The following DIP2B variants were observed in gnomAD, a reference collection of about 807,000 sequenced individuals.
The protein encoded by DIP2B is disco-interacting protein 2 homolog B.
Under a neutral mutation model 198.0 loss-of-function variants are expected in DIP2B, and 76 were observed. That is an observed-to-expected ratio of 0.38 (90% CI 0.32 to 0.46). The LOEUF is 0.46. DIP2B is among the 20% of genes least tolerant of loss of function. The pLI, the probability that DIP2B is intolerant of heterozygous loss-of-function variation, is 0.99. For missense variants in DIP2B, 1,559 were observed against 1,978.4 expected, an observed-to-expected ratio of 0.79 and a Z score of 4.02; for synonymous variants, 701 against 739.1, an observed-to-expected ratio of 0.95 and a Z score of 0.84.
At chr12:50,650,431 T>G (rs1938434184) in intron 3 of DIP2B, among the ~76,000 whole-genome samples, 1 of 152,238 alleles carries the variant, frequency 6.6e-6, no homozygotes, top group African/African-American at 2.4e-5. Flanking sequence ...CTTCTTCATC[T>G]TGTGTGACTG....
At chr12:50,699,855 C>T (rs1250701181) in intron 19 of DIP2B, among the ~76,000 whole-genome samples, 4 of 101,358 alleles carry the variant, frequency 3.9e-5, no homozygotes, top group Non-Finnish European at 6.5e-5. Flanking sequence ...AGAGCAAGAC[C>T]CTGTCTCAAA....
At chr12:50,603,137 C>G (rs1958952900) in intron 1 of DIP2B, among the ~76,000 whole-genome samples, 1 of 151,020 alleles carries the variant, frequency 6.6e-6, no homozygotes, top group Non-Finnish European at 1.5e-5. Context: ...GCACTCCAGC[C>G]TGGGCGACAG....
chr12:50,546,092 T>C (rs897799616), intron 1 of DIP2B, among the ~76,000 whole-genome samples: 3 of 152,232 alleles, frequency 2.0e-5, no homozygotes, highest in Non-Finnish European at 4.4e-5. Flanking sequence ...CTGATTGTAT[T>C]ATCTTATTCT....
rs137942310 is a variant in DIP2B, at chr12:50,545,934, C to T, written c.100+40694C>T. 7.4e-3 allele frequency among the ~76,000 whole-genome samples: 1,126 copies of T among 152,178 alleles called. 4 individuals carry two copies. The highest frequency in any genetic ancestry group is 0.012 in the Non-Finnish European group (821 of 68,008). On this transcript the variant is annotated intron_variant, in intron 1 of 37. Coordinates refer to ENST00000301180, the MANE Select transcript of DIP2B (RefSeq NM_173602.3). ...ATAGCTGTGAGTCACTGTGCCCGGCCTAAAATAAGATTTATTGAGGACTTG... is the reference window on the plus strand; with the variant it reads ...ATAGCTGTGAGTCACTGTGCCCGGCTTAAAATAAGATTTATTGAGGACTTG...
chr12:50,638,590 C>G (rs891242332), intron 2 of DIP2B, among the ~76,000 whole-genome samples: 1 of 152,100 alleles, frequency 6.6e-6, no homozygotes, highest in Non-Finnish European at 1.5e-5. Flanking sequence ...TTTACCATGG[C>G]AGTGAAACTG....
chr12:50,673,080 G>A (rs367944198), intron 5 of DIP2B, among the ~76,000 whole-genome samples: 2 of 151,978 alleles, frequency 1.3e-5, no homozygotes, highest in Non-Finnish European at 2.9e-5. Context: ...TTTCCTTAGC[G>A]TATATTCCTA....
intron 1 of DIP2B, among the ~76,000 whole-genome samples, chr12:50,551,787 T>C (rs1958429581): frequency 6.6e-6 from 1 of 152,198 alleles, no homozygotes; most frequent in Admixed American, 6.5e-5. Flanking sequence ...CCATTGTATG[T>C]ATGTTTCATA....
Position 50,505,024 on chromosome 12 carries a change from G to GTGC in DIP2B, c.-114_-112dup. 3 of 1,076,116 alleles carry GTGC rather than the reference G, an allele frequency of 2.8e-6. No homozygotes were observed. Among genetic ancestry groups the GTGC allele is most frequent in the Non-Finnish European group, 4.0e-6 (3 of 745,318 alleles). 66.7% of individuals were successfully genotyped at this position (1,076,116 alleles called of 1,614,324 possible). On this transcript the variant is annotated 5_prime_UTR_variant, in exon 1 of 38. Transcript: ENST00000301180. ...CATGGCGGCGGCGGCGGCGGCGGCG[G>GTGC]TGCTGGTGGTGCTCGGCGGCCGGAG...
chr12:50,696,964 T>A, intron 16 of DIP2B, 97 bp from the exon 17 acceptor site: 1 of 866,268 alleles, frequency 1.2e-6, no homozygotes, highest in Non-Finnish European at 1.8e-6. Context: ...TGAGTTCTCA[T>A]GAGAAATAAG....
At chr12:50,582,145 GTTTT>G (rs367699036) in intron 1 of DIP2B, among the ~76,000 whole-genome samples, 13 of 77,544 alleles carry the variant, frequency 1.7e-4, no homozygotes, top group African/African-American at 4.3e-4. Flanking sequence ...CTTTTTTTCT[GTTTT>G]TTTTTTTTTT....
intron 22 of DIP2B, among the ~76,000 whole-genome samples, chr12:50,709,713 G>A (rs1415845029): frequency 6.6e-6 from 1 of 151,954 alleles, no homozygotes; most frequent in Non-Finnish European, 1.5e-5. Context: ...GAGGTGGGAG[G>A]ATCACTTGAC....
At chr12:50,603,033 A>G (rs1380975222) in intron 1 of DIP2B, among the ~76,000 whole-genome samples, 1 of 144,388 alleles carries the variant, frequency 6.9e-6, no homozygotes. Context: ...GCGTGGTGGC[A>G]GGCGCCTGTA....
At chr12:50,552,366 A>T (rs910526813) in intron 1 of DIP2B, among the ~76,000 whole-genome samples, 1 of 150,744 alleles carries the variant, frequency 6.6e-6, no homozygotes, top group African/African-American at 2.4e-5. Context: ...TCCCGGGTTC[A>T]TGCCATTCTC....
chr12:50,723,779 G>A (rs1477111410), intron 27 of DIP2B, among the ~76,000 whole-genome samples: 1 of 151,932 alleles, frequency 6.6e-6, no homozygotes, highest in Non-Finnish European at 1.5e-5. Context: ...CCTCCCTTCT[G>A]TCTAAAACGT....
At chr12:50,721,586 C>T (rs545988739) in intron 26 of DIP2B, among the ~76,000 whole-genome samples, 190 bp downstream of exon 26, 1 of 152,156 alleles carries the variant, frequency 6.6e-6, no homozygotes, top group Non-Finnish European at 1.5e-5. Flanking sequence ...TACAGTGGCT[C>T]TCCTGGGACC....
chr12:50,535,128 A>T (rs1319342410), intron 1 of DIP2B, among the ~76,000 whole-genome samples: 1 of 152,150 alleles, frequency 6.6e-6, no homozygotes, highest in Non-Finnish European at 1.5e-5. Flanking sequence ...GCTACCCGGG[A>T]TGCTAAGGTG....
intron 3 of DIP2B, 111 bp from the exon 4 acceptor site, chr12:50,660,083 C>A: frequency 9.4e-7 from 1 of 1,064,462 alleles, no homozygotes; most frequent in Non-Finnish European, 1.3e-6. Flanking sequence ...CTGAACGTCC[C>A]CTTTACCTTT....
At position 50,727,699 on chromosome 12, in the gene DIP2B, G is replaced by T; in HGVS notation, c.3401-4G>T. ...TGACATCAGGTTTTTTCTTTTCATG[G>T]CAGATGATTTACCCAGGAAAAGGTT... On this transcript the variant is annotated splice_region_variant and splice_polypyrimidine_tract_variant and intron_variant, in intron 28 of 37. Coordinates refer to ENST00000301180, the MANE Select transcript of DIP2B (RefSeq NM_173602.3). 1.9e-6 allele frequency: 3 copies of T among 1,612,240 alleles called. No individual in the cohort carries two copies. The highest frequency in any genetic ancestry group is 2.5e-6 in the Non-Finnish European group (3 of 1,178,656).
At chr12:50,594,056 T>C (rs1025123897) in intron 1 of DIP2B, among the ~76,000 whole-genome samples, 9 of 149,994 alleles carry the variant, frequency 6.0e-5, no homozygotes, top group Non-Finnish European at 1.0e-4. Flanking sequence ...TGCTCCTGCC[T>C]CAGCCTCCTG....
Sources: gnomAD v4.1 joint callset for allele counts (sites outside exome capture counted in the v4.1 genomes callset) on GRCh38, gnomAD v4.1.1 for gene constraint, MANE v1.5 for transcripts, NCBI Gene and HGNC (gene_info 2026-07-23, HGNC 2026-07-21) for gene names.